Variants in CASR observed in about 807,000 individuals in gnomAD.
The protein encoded by CASR is extracellular calcium-sensing receptor.
A neutral mutation model predicts 69.1 loss-of-function variants in CASR; 23 were observed. The ratio of observed to expected loss-of-function variants is 0.33; its 90% CI spans 0.24 to 0.47. The LOEUF (loss-of-function observed/expected upper bound fraction) is 0.47, where lower values mean the gene tolerates loss of function less well. CASR is among the 20% of genes least tolerant of loss of function. The probability of loss-of-function intolerance (pLI) is 1.00; values close to 1 mark genes in which losing one functional copy is unlikely to be tolerated. For missense variants in CASR, 924 were observed against 1,356.1 expected (o/e 0.68, Z 5.00); for synonymous variants, 541 against 544.7 (o/e 0.99, Z 0.10).
intron 4 of CASR, among the ~76,000 whole-genome samples, chr3:122,266,794 G>C (rs765933682): frequency 3.3e-5 from 5 of 152,118 alleles, no homozygotes; most frequent in Admixed American, 6.5e-5. Context: ...CATGAGGTCA[G>C]AAGTTCGAGA....
intron 2 of CASR, among the ~76,000 whole-genome samples, chr3:122,255,204 C>A (rs2074542102): frequency 6.6e-6 from 1 of 152,166 alleles, no homozygotes; most frequent in African/African-American, 2.4e-5. Flanking sequence ...AGGCACATCT[C>A]TTTAAATGGG....
chr3:122,268,273 T>C (rs1036296731), intron 4 of CASR, among the ~76,000 whole-genome samples: 1 of 152,242 alleles, frequency 6.6e-6, no homozygotes, highest in African/African-American at 2.4e-5. Flanking sequence ...AATATTAGTC[T>C]TGAGTATTAT....
chr3:122,211,821 A>C (rs1421549860), intron 1 of CASR, among the ~76,000 whole-genome samples: 1 of 152,180 alleles, frequency 6.6e-6, no homozygotes, highest in Non-Finnish European at 1.5e-5. Flanking sequence ...GTTCAACATC[A>C]CTGATCATTA....
In CASR at chr3:122,290,896, TA is replaced by T. The variant is rs2107655532; in HGVS notation, c.*5706del. 8.7e-6 allele frequency: 1 copy of T among 114,846 alleles called. No homozygotes were observed. The highest frequency in any genetic ancestry group is 2.9e-4 in the East Asian group (1 of 3,492). The allele number at this position is 114,846 out of a possible 1,614,324, so 7.1% of individuals were successfully genotyped here. A position where few individuals can be genotyped will look rare whatever the true frequency, so the allele number is the denominator to read the frequency against. On this transcript the variant is annotated 3_prime_UTR_variant, in exon 7 of 7. Coordinates refer to ENST00000639785, the MANE Select transcript of CASR (RefSeq NM_000388.4). ...CCTCCCCCCTCCCCCCACCCCACAA[TA>T]GGCCCTGGTGTGTGATGTTCCCCTT...
chr3:122,256,966 A>T, intron 2 of CASR, 115 bp from the exon 3 acceptor site: 1 of 877,138 alleles, frequency 1.1e-6, no homozygotes. Context: ...AGAGCATGCC[A>T]TGAAGCCAGA....
intron 5 of CASR, among the ~76,000 whole-genome samples, chr3:122,276,470 A>G (rs2074822730): frequency 2.0e-5 from 3 of 152,174 alleles, no homozygotes; most frequent in Non-Finnish European, 4.4e-5. Context: ...GGAAGTATTA[A>G]TGGCCTTCAG....
intron 1 of CASR, among the ~76,000 whole-genome samples, chr3:122,201,254 C>T (rs1293992252): frequency 6.6e-6 from 1 of 152,090 alleles, no homozygotes; most frequent in Non-Finnish European, 1.5e-5. Flanking sequence ...CATCTTGTAC[C>T]GCCCTTAATC....
intron 1 of CASR, among the ~76,000 whole-genome samples, chr3:122,236,505 A>G (rs2074330448): frequency 6.6e-6 from 1 of 152,220 alleles, no homozygotes; most frequent in African/African-American, 2.4e-5. Context: ...CTTCAAAAAT[A>G]AAATTCAGTT....
In CASR at chr3:122,291,098, ATGTGCCACAT is replaced by A. The variant is rs2075008886; in HGVS notation, c.*5909_*5918del. Reference sequence around the variant, plus strand: ...GGCTGCATAGTATTCCATGGTGTATATGTGCCACATTTTCTTAATCCAGTCTATCGTTGTT... The same window carrying A: ...GGCTGCATAGTATTCCATGGTGTATATTTCTTAATCCAGTCTATCGTTGTT... On this transcript the variant is annotated 3_prime_UTR_variant, in exon 7 of 7. Coordinates refer to ENST00000639785, the MANE Select transcript of CASR (RefSeq NM_000388.4). 1 of 142,996 alleles carries A rather than the reference ATGTGCCACAT, an allele frequency of 7.0e-6. No individual in the cohort carries two copies. The highest frequency in any genetic ancestry group is 7.1e-5 in the Admixed American group (1 of 14,078). 8.9% of individuals were successfully genotyped at this position (142,996 alleles called of 1,614,324 possible).
chr3:122,284,735 C>G lies in CASR; in HGVS notation c.2781C>G (p.Pro927=), dbSNP rs771142444. ...KSNSEDPFPQ[P]ERQKQQQPLA... Reference sequence around the variant, plus strand: ...ACAGCGAAGACCCATTCCCACAGCCCGAGAGGCAGAAGCAGCAGCAGCCGC... The same window carrying G: ...ACAGCGAAGACCCATTCCCACAGCCGGAGAGGCAGAAGCAGCAGCAGCCGC... Residue 927 remains proline (P), a synonymous_variant, in exon 7 of 7, where the codon CCC becomes CCG. Coordinates refer to ENST00000639785, the MANE Select transcript of CASR (RefSeq NM_000388.4). 3 of 1,614,158 alleles carry G rather than the reference C, an allele frequency of 1.9e-6. No homozygotes were observed. The highest frequency in any genetic ancestry group is 4.5e-5 in the East Asian group (2 of 44,876).
chr3:122,197,697 T>A (rs7617603), intron 1 of CASR, among the ~76,000 whole-genome samples: 18 of 152,062 alleles, frequency 1.2e-4, no homozygotes, highest in South Asian at 4.2e-4. Flanking sequence ...TGATTCATAT[T>A]GATCTCCTAA....
At chr3:122,268,051 G>T (rs1005413019) in intron 4 of CASR, among the ~76,000 whole-genome samples, 12 of 152,216 alleles carry the variant, frequency 7.9e-5, no homozygotes, top group African/African-American at 2.4e-4. Flanking sequence ...ATGGTTAACA[G>T]TTTGGAATCT....
At chr3:122,275,414 T>G (rs1279092775) in intron 4 of CASR, among the ~76,000 whole-genome samples, 1 of 152,192 alleles carries the variant, frequency 6.6e-6, no homozygotes, top group East Asian at 1.9e-4. Context: ...ATTTCTCCTG[T>G]CCTTCCCCAA....
In CASR at chr3:122,285,241, G is replaced by A. The variant is rs764209889; in HGVS notation, c.*50G>A. On this transcript the variant is annotated 3_prime_UTR_variant, in exon 7 of 7. Coordinates refer to ENST00000639785, the MANE Select transcript of CASR (RefSeq NM_000388.4). Reference sequence around the variant, plus strand: ...GGAGAATGCAGAGAGGTTTCTTGGGGTCCCAGGGAAGAGGAATCGCCCCAG... The same window carrying A: ...GGAGAATGCAGAGAGGTTTCTTGGGATCCCAGGGAAGAGGAATCGCCCCAG... 6.4e-7 allele frequency: 1 copy of A among 1,568,920 alleles called. No homozygotes were observed. Among genetic ancestry groups the A allele is most frequent in the Non-Finnish European group, 8.8e-7 (1 of 1,140,860 alleles).
chr3:122,279,680 AT>A (rs2107646524), intron 5 of CASR, among the ~76,000 whole-genome samples: 1 of 152,346 alleles, frequency 6.6e-6, no homozygotes, highest in Admixed American at 6.5e-5. Flanking sequence ...AAAAACAAAA[AT>A]TTTTAACCTC....
rs1465688551 is a variant in CASR at position 122,262,052 on chromosome 3, C to T, written c.1017C>T (p.Pro339=). The change falls in exon 4 of 7, where the codon CCC becomes CCT. Residue 339 remains proline (P), a synonymous_variant. Coordinates refer to ENST00000639785, the MANE Select transcript of CASR (RefSeq NM_000388.4). ...GFREFLKKVH[P]RKSVHNGFAK... is the part of the protein sequence containing the mutation. ...GGGAATTCCTGAAGAAGGTCCATCC[C>T]AGGAAGTCTGTCCACAATGGTTTTG... 2 of 1,614,070 alleles carry T rather than the reference C, an allele frequency of 1.2e-6. No individual in the cohort carries two copies. The highest frequency in any genetic ancestry group is 3.3e-5 in the Admixed American group (2 of 60,008).
chr3:122,231,988 C>A (rs1158994369), intron 1 of CASR, among the ~76,000 whole-genome samples: 1 of 152,182 alleles, frequency 6.6e-6, no homozygotes, highest in African/African-American at 2.4e-5. Context: ...CCCGCATGTC[C>A]AGATAGCCAT....
chr3:122,248,367 T>C (rs1268037858), intron 1 of CASR, among the ~76,000 whole-genome samples: 1 of 149,164 alleles, frequency 6.7e-6, no homozygotes, highest in Non-Finnish European at 1.5e-5. Context: ...TTGGTGATTA[T>C]TGATTAAACT....
chr3:122,275,605 A>G (rs577405314), intron 4 of CASR, among the ~76,000 whole-genome samples: 1 of 152,312 alleles, frequency 6.6e-6, no homozygotes, highest in African/African-American at 2.4e-5. Context: ...AATTTGAATA[A>G]TAATTAAAGC....
Sources: gnomAD v4.1 joint callset for allele counts (sites outside exome capture counted in the v4.1 genomes callset) on GRCh38, gnomAD v4.1.1 for gene constraint, MANE v1.5 for transcripts, NCBI Gene and HGNC (gene_info 2026-07-23, HGNC 2026-07-21) for gene names.